TBC1D9B: variants seen among roughly 807,000 people sequenced by gnomAD.
TBC1D9B encodes the protein TBC1 domain family, member 9B (with GRAM domain).
TBC1D9B carries 87 observed loss-of-function variants against 121.1 expected under a neutral mutation model. The observed-to-expected ratio is 0.72, with a 90% CI of 0.60 to 0.86. The LOEUF (loss-of-function observed/expected upper bound fraction) is 0.86. TBC1D9B is among the 40% of genes least tolerant of loss of function. The pLI is 0.00. For synonymous variants in TBC1D9B, 668 were observed against 670.1 expected (o/e 1.00, Z 0.05); for missense variants, 1,540 against 1,628.6 (o/e 0.95, Z 0.94).
intron 1 of TBC1D9B, among the ~76,000 whole-genome samples, chr5:179,906,331 T>G (rs1761313529): frequency 6.6e-6 from 1 of 151,722 alleles, no homozygotes; most frequent in African/African-American, 2.4e-5. Context: ...CCCTGGGAGC[T>G]CGGTCCCAGG....
intron 3 of TBC1D9B, among the ~76,000 whole-genome samples, chr5:179,898,791 A>G (rs1761082594): frequency 6.6e-6 from 1 of 152,248 alleles, no homozygotes; most frequent in Non-Finnish European, 1.5e-5. Flanking sequence ...ACTGTAGGGT[A>G]AACGCCAAGA....
chr5:179,864,271 CATCTCACAG>C, intron 20 of TBC1D9B, 143 bp from the exon 21 acceptor site: 1 of 816,006 alleles, frequency 1.2e-6, no homozygotes, highest in Non-Finnish European at 1.9e-6. Flanking sequence ...TCATCAGTCC[CATCTCACAG>C]ATCAGGACAC....
rs200438741 is a variant in TBC1D9B, at chr5:179,864,023, G to A, written c.3127C>T (p.Arg1043Cys). The A allele has an allele frequency of 2.1e-5, 34 of 1,613,740 alleles. No homozygotes were observed. The highest frequency in any genetic ancestry group is 8.9e-5 in the East Asian group (4 of 44,886). The change falls in exon 21 of 21, where the codon CGC becomes TGC. Residue 1043 changes from arginine to cysteine, a missense_variant. Transcript: ENST00000355235. ...AIATVASLLL[R>C]IGEVGKKFSA... ...AACTTCTTCCCCACCTCTCCGATGC[G>A]GAGCAGGAGGCTGGCCACGGTGGCG...
rs762210667 is a variant in TBC1D9B, at chr5:179,879,028, G to A, written c.1567+19C>T. ...CTGACTGGCTGAGCTGAGGCTGGGGGTGGCTGCACCCCACTCACCGGAGAA... is the reference window on the plus strand; with the variant it reads ...CTGACTGGCTGAGCTGAGGCTGGGGATGGCTGCACCCCACTCACCGGAGAA... On this transcript the variant is annotated intron_variant, in intron 9 of 20. Coordinates refer to ENST00000355235, the MANE Select transcript of TBC1D9B (RefSeq NM_015043.4). 16 of 1,597,302 alleles carry A rather than the reference G, an allele frequency of 1.0e-5. No homozygotes were observed. The Admixed American group carries it at 1.0e-4, about 10-fold the overall frequency.
At chr5:179,870,713 CT>C (rs1209001681) in intron 15 of TBC1D9B, 1 of 687,092 alleles carries the variant, frequency 1.5e-6, no homozygotes, top group Non-Finnish European at 2.3e-6. Context: ...AGACAGAGTC[CT>C]TGGCAGCCTG....
chr5:179,891,632 G>C lies in TBC1D9B; in HGVS notation c.837-46C>G. ...GACAGGAGGAAAGGGGACAAGGTCA[G>C]GACCAGCACACTCTCAAGGAAGCCT... On this transcript the variant is annotated intron_variant, in intron 5 of 20. Transcript: ENST00000355235. The surrounding 1 kb of genome is among the most constrained non-coding windows in gnomAD (Gnocchi z 4.3). The C allele has an allele frequency of 6.3e-7, 1 of 1,596,068 alleles. No individual in the cohort carries two copies. The highest frequency in any genetic ancestry group is 8.5e-7 in the Non-Finnish European group (1 of 1,170,784).
intron 4 of TBC1D9B, 21 bp from the exon 5 acceptor site, chr5:179,893,488 A>T: frequency 6.4e-7 from 1 of 1,573,908 alleles, no homozygotes; most frequent in Non-Finnish European, 8.7e-7. Context: ...AGAGATAGAC[A>T]CACCGCAAGT....
At chr5:179,906,158 A>G (rs1761306928) in intron 1 of TBC1D9B, among the ~76,000 whole-genome samples, 1 of 152,202 alleles carries the variant, frequency 6.6e-6, no homozygotes, top group Non-Finnish European at 1.5e-5. Flanking sequence ...CTTGGATAAA[A>G]CCACATCCCT....
intron 10 of TBC1D9B, among the ~76,000 whole-genome samples, chr5:179,877,959 T>G (rs1276202795): frequency 6.6e-6 from 1 of 152,114 alleles, no homozygotes; most frequent in East Asian, 1.9e-4. Context: ...GGTCTGGGGA[T>G]GGATGGCGGT....
chr5:179,878,650 C>T (rs1339907658), intron 9 of TBC1D9B, 127 bp from the exon 10 acceptor site: 4 of 950,116 alleles, frequency 4.2e-6, no homozygotes, highest in Non-Finnish European at 6.3e-6. Flanking sequence ...GCACAAGCTG[C>T]GAGGCAAGGT....
At chr5:179,871,686 G>A (rs1001008921) in intron 14 of TBC1D9B, 156 bp from the exon 15 acceptor site, 12 of 688,740 alleles carry the variant, frequency 1.7e-5, no homozygotes, top group Non-Finnish European at 2.5e-5. Context: ...GGGAGAGAGC[G>A]AGGCCCACAG....
Position 179,890,091 on chromosome 5 carries a change from C to T in TBC1D9B, c.1044+1288G>A, listed in dbSNP as rs920611982. On this transcript the variant is annotated intron_variant, in intron 6 of 20. Transcript: ENST00000355235. The surrounding 1 kb of genome is among the most constrained non-coding windows in gnomAD (Gnocchi z 5.0). ...AAAGGGTGGAAGAGGGGTCACTTCC[C>T]GAGGGAAGCATGGAAGCGGGTGGTT... 1.3e-5 allele frequency among the ~76,000 whole-genome samples: 2 copies of T among 151,906 alleles called. No individual in the cohort carries two copies. The highest frequency in any genetic ancestry group is 4.8e-5 in the African/African-American group (2 of 41,326).
At position 179,893,206 on chromosome 5, in the gene TBC1D9B, C is replaced by T. The variant is rs1760913945; in HGVS notation, c.836+3G>A. The T allele has an allele frequency of 4.4e-6, 7 of 1,600,604 alleles. No individual in the cohort carries two copies. The highest frequency in any genetic ancestry group is 1.9e-4 in the Middle Eastern group (1 of 5,322). On this transcript the variant is annotated splice_donor_region_variant and intron_variant, in intron 5 of 20. Transcript: ENST00000355235. The stretch of plus-strand genomic sequence containing the variant: ...CCCACCCCAGCCCTGGAGGGCAACG[C>T]ACCGCTTCAGGGCTGAGATGTTCCT...
chr5:179,901,032 G>A (rs1335891719), intron 2 of TBC1D9B, among the ~76,000 whole-genome samples: 2 of 152,076 alleles, frequency 1.3e-5, no homozygotes, highest in African/African-American at 4.8e-5. Flanking sequence ...TTCTGCTTGG[G>A]ACTGATTTGT....
At position 179,904,296 on chromosome 5, in the gene TBC1D9B, C is replaced by G. The variant is rs183573906; in HGVS notation, c.229+406G>C. Among the ~76,000 whole-genome samples the G allele has an allele frequency of 1.4e-4, 20 of 147,614 alleles. No individual in the cohort carries two copies. Among genetic ancestry groups the G allele is most frequent in the Admixed American group, 6.8e-4 (10 of 14,700 alleles). ...CTGGAGTGCAGTGGCGCGATCTCGG[C>G]TCACTGCAAGCTCCGCCTCCCGGGT... On this transcript the variant is annotated intron_variant, in intron 2 of 20. Transcript: ENST00000355235. The surrounding 1 kb of genome is among the most constrained non-coding windows in gnomAD (Gnocchi z 4.2).
Position 179,875,377 on chromosome 5 carries a change from T to G in TBC1D9B, c.1901-190A>C, listed in dbSNP as rs1760331620. 1.3e-5 allele frequency among the ~76,000 whole-genome samples: 2 copies of G among 152,222 alleles called. No homozygotes were observed. Among genetic ancestry groups the G allele is most frequent in the Non-Finnish European group, 2.9e-5 (2 of 68,044 alleles). On this transcript the variant is annotated intron_variant, in intron 11 of 20. Coordinates refer to ENST00000355235, the MANE Select transcript of TBC1D9B (RefSeq NM_015043.4). The surrounding 1 kb of genome is among the most constrained non-coding windows in gnomAD (Gnocchi z 4.5). ...AGTCTCTCTACAGCTCCCAAACCAC[T>G]GGGCGAAATAACTATTTCTTCTACT...
intron 14 of TBC1D9B, 111 bp downstream of exon 14, chr5:179,872,781 A>C: frequency 9.9e-7 from 1 of 1,012,904 alleles, no homozygotes; most frequent in Non-Finnish European, 1.5e-6. Context: ...GTACATACCA[A>C]AGCAGTGTAG....
chr5:179,901,642 G>A (rs1161532507), intron 2 of TBC1D9B, among the ~76,000 whole-genome samples: 1 of 152,206 alleles, frequency 6.6e-6, no homozygotes, highest in African/African-American at 2.4e-5. Flanking sequence ...AGGCATGGTT[G>A]CGTGGGCCTG....
At position 179,864,056 on chromosome 5, in the gene TBC1D9B, G is replaced by C. The variant is rs182237308; in HGVS notation, c.3094C>G (p.His1032Asp). ...SEDPMEQDLY[H>D]AIATVASLLL... ...AGGCTGGCCACGGTGGCGATGGCGT[G>C]GTACAGGTCCTGCTCCATGGGGTCT... Residue 1032 changes from histidine (H) to aspartate (D), a missense_variant, in exon 21 of 21, where the codon CAC becomes GAC. Physicochemically the swap from His to Asp is moderately conservative, Grantham distance 81 (BLOSUM62 -1). Transcript: ENST00000355235. 2 of 1,613,686 alleles carry C rather than the reference G, an allele frequency of 1.2e-6. No individual in the cohort carries two copies. The highest frequency in any genetic ancestry group is 1.7e-6 in the Non-Finnish European group (2 of 1,180,028).
Sources: gnomAD v4.1 joint callset for allele counts (sites outside exome capture counted in the v4.1 genomes callset) on GRCh38, gnomAD v4.1.1 for gene constraint, Gnocchi (gnomAD v3.1) non-coding constraint, MANE v1.5 for transcripts, NCBI Gene and HGNC (gene_info 2026-07-23, HGNC 2026-07-21) for gene names.